NTM: variants seen among roughly 807,000 people sequenced by gnomAD.
NTM encodes the protein neurotrimin.
In NTM, 13 loss-of-function variants were observed where a neutral mutation model predicts 42.1. That is an observed-to-expected ratio of 0.31 (90% CI 0.20 to 0.49). NTM has a LOEUF of 0.49. Among genes scored for constraint, NTM ranks in the 20% least tolerant of loss-of-function variants. The pLI is 0.99. For synonymous variants in NTM, 187 were observed against 179.2 expected (o/e 1.04, Z -0.35); for missense variants, 373 against 452.8 (o/e 0.82, Z 1.60).
Position 132,134,731 on chromosome 11 carries a change from A to G in NTM, c.168-11551A>G, listed in dbSNP as rs1248880312. On this transcript the variant is annotated intron_variant, in intron 2 of 8. Coordinates refer to ENST00000683400, the MANE Select transcript of NTM (RefSeq NM_001352005.2). The stretch of plus-strand genomic sequence containing the variant: ...TATATATATATATATATATATATAT[A>G]TATATATATATATATATATATATAT... 1.2e-3 allele frequency among the ~76,000 whole-genome samples: 84 copies of G among 72,416 alleles called. 4 individuals carry two copies. Among genetic ancestry groups the G allele is most frequent in the South Asian group, 2.9e-3 (7 of 2,380 alleles). 47.5% of individuals were successfully genotyped at this position (72,416 alleles called of 152,430 possible).
At chr11:132,216,906 C>T (rs929894199) in intron 4 of NTM, among the ~76,000 whole-genome samples, 1 of 152,224 alleles carries the variant, frequency 6.6e-6, no homozygotes, top group African/African-American at 2.4e-5. Flanking sequence ...ACAAGATCTC[C>T]AAGCCTTTCC....
intron 1 of NTM, among the ~76,000 whole-genome samples, chr11:131,745,203 T>G (rs1472918247): frequency 2.0e-5 from 3 of 152,182 alleles, no homozygotes; most frequent in Non-Finnish European, 4.4e-5. Context: ...GGGGCTGTAT[T>G]TCCTCGAGCT....
intron 1 of NTM, among the ~76,000 whole-genome samples, chr11:131,397,214 A>G (rs1343991791): frequency 6.6e-6 from 1 of 152,170 alleles, no homozygotes; most frequent in Non-Finnish European, 1.5e-5. Context: ...TTCTAGGCAT[A>G]ATCCATCTTC....
chr11:131,836,092 A>G (rs2043453321), intron 1 of NTM, among the ~76,000 whole-genome samples: 1 of 152,076 alleles, frequency 6.6e-6, no homozygotes, highest in South Asian at 2.1e-4. Context: ...AGTACAGGTC[A>G]TTTTCAATTT....
At chr11:131,526,797 G>A (rs2136627838) in intron 1 of NTM, among the ~76,000 whole-genome samples, 1 of 152,340 alleles carries the variant, frequency 6.6e-6, no homozygotes, top group African/African-American at 2.4e-5. Flanking sequence ...ATTTGAATCA[G>A]GGGCTGGAGC....
chr11:131,651,453 A>G (rs1400304725), intron 1 of NTM, among the ~76,000 whole-genome samples: 5 of 152,204 alleles, frequency 3.3e-5, no homozygotes, highest in Admixed American at 3.3e-4. Context: ...GATGCTGTGG[A>G]ATAAAGCTCA....
chr11:131,828,183 C>T (rs2042360027), intron 1 of NTM, among the ~76,000 whole-genome samples: 1 of 152,000 alleles, frequency 6.6e-6, no homozygotes, highest in Non-Finnish European at 1.5e-5. Context: ...TGAGATGAAT[C>T]AGGCAAAGCA....
At chr11:132,237,442 TG>T (rs2089224632) in intron 4 of NTM, among the ~76,000 whole-genome samples, 1 of 152,184 alleles carries the variant, frequency 6.6e-6, no homozygotes, top group Non-Finnish European at 1.5e-5. Context: ...CCTGAAATTT[TG>T]TCTTGATAAT....
chr11:131,539,474 G>T (rs1450742040), intron 1 of NTM: 1 of 152,162 alleles, frequency 6.6e-6, no homozygotes, highest in African/African-American at 2.4e-5. Context: ...ATTAATTGGG[G>T]CCCATCATGT....
intron 2 of NTM, among the ~76,000 whole-genome samples, chr11:131,972,707 G>T (rs192437653): frequency 6.6e-6 from 1 of 152,184 alleles, no homozygotes; most frequent in East Asian, 1.9e-4. Context: ...TGGCTCTCTT[G>T]GTTTCCATAA....
chr11:131,646,675 G>C (rs1389252822), intron 1 of NTM, among the ~76,000 whole-genome samples: 1 of 151,146 alleles, frequency 6.6e-6, no homozygotes, highest in African/African-American at 2.4e-5. Context: ...TTGCAATTTA[G>C]CCAGGAACTT....
At chr11:131,452,021 C>T (rs1358195731) in intron 1 of NTM, among the ~76,000 whole-genome samples, 2 of 152,216 alleles carry the variant, frequency 1.3e-5, no homozygotes, top group African/African-American at 4.8e-5. Context: ...GGGCTGCCGC[C>T]CCCTTCCCTG....
At chr11:132,156,717 C>A (rs2073266097) in intron 3 of NTM, among the ~76,000 whole-genome samples, 1 of 151,936 alleles carries the variant, frequency 6.6e-6, no homozygotes, top group Non-Finnish European at 1.5e-5. Flanking sequence ...TTGTAGTAGG[C>A]TGAATAATGT....
At chr11:131,562,938 C>T (rs1168769589) in intron 1 of NTM, among the ~76,000 whole-genome samples, 1 of 152,182 alleles carries the variant, frequency 6.6e-6, no homozygotes, top group Non-Finnish European at 1.5e-5. Flanking sequence ...TGCATGAGGT[C>T]TGCAGACCTG....
intron 1 of NTM, among the ~76,000 whole-genome samples, chr11:131,818,151 C>T (rs11222802): frequency 0.021 from 3,197 of 152,186 alleles, 85 homozygotes; most frequent in African/African-American, 0.066. Context: ...CCCACCTTCA[C>T]GCTGCAGTGC....
intron 1 of NTM, among the ~76,000 whole-genome samples, chr11:131,493,186 C>A (rs1434366889): frequency 6.6e-5 from 10 of 152,114 alleles, no homozygotes; most frequent in Non-Finnish European, 1.2e-4. Flanking sequence ...CCGTAGTGAG[C>A]CGTGATCACA....
chr11:131,907,139 G>A (rs549725126), intron 1 of NTM, among the ~76,000 whole-genome samples: 18 of 152,288 alleles, frequency 1.2e-4, no homozygotes, highest in Admixed American at 1.2e-3. Context: ...GGAGCCTTTA[G>A]CCTTTTTCGA....
chr11:131,441,737 A>C (rs986440082), intron 1 of NTM, among the ~76,000 whole-genome samples: 1 of 152,194 alleles, frequency 6.6e-6, no homozygotes, highest in Admixed American at 6.5e-5. Context: ...TGTCTTTTGC[A>C]TTTGGAAGTC....
chr11:131,709,856 G>A (rs2079028372), intron 1 of NTM, among the ~76,000 whole-genome samples: 1 of 152,096 alleles, frequency 6.6e-6, no homozygotes, highest in African/African-American at 2.4e-5. Context: ...GGGAAGAAGA[G>A]GAATCTGCAA....
Sources: allele counts gnomAD v4.1 joint callset (sites outside exome capture counted in the v4.1 genomes callset), GRCh38; gene constraint gnomAD v4.1.1; transcripts MANE v1.5; gene names NCBI Gene and HGNC (gene_info 2026-07-23, HGNC 2026-07-21).